The following F13A1 variants were observed in gnomAD, a reference collection of about 807,000 sequenced individuals.
F13A1 encodes the protein FSF, A subunit.
In F13A1, 47 loss-of-function variants were observed where a neutral mutation model predicts 80.1. The ratio of observed to expected loss-of-function variants is 0.59; its 90% CI spans 0.46 to 0.75. The LOEUF is 0.75. Ranked by LOEUF, F13A1 falls within the 30% of genes least tolerant of loss-of-function variation. F13A1 has a pLI of 0.00. For missense variants in F13A1, 817 were observed against 930.4 expected (o/e 0.88, Z 1.59); for synonymous variants, 349 against 344.9 (o/e 1.01, Z -0.13).
At chr6:6,145,907 G>T in intron 14 of F13A1, 135 bp from the exon 15 acceptor site, 1 of 1,148,930 alleles carries the variant, frequency 8.7e-7, no homozygotes, top group Non-Finnish European at 1.3e-6. Context: ...GACTCTCACT[G>T]GCTGATTCAG....
In F13A1 at chr6:6,266,710, T is replaced by C. The variant is rs1485613814; in HGVS notation, c.419A>G (p.Asp140Gly). Residue 140 changes from aspartate to glycine, a missense_variant, in exon 4 of 15, where the codon GAC becomes GGC. By Grantham distance (94) the Asp-to-Gly change is moderately conservative (BLOSUM62 -1). Transcript: ENST00000264870. ...KWGAKIVMRE[D>G]RSVRLSIQSS... ...CTGGATGGACAGCCGCACAGACCTG[T>C]CCTCTCTCATGACAATCTTGGCCCC... 2 of 1,614,208 alleles carry C rather than the reference T, an allele frequency of 1.2e-6. No homozygotes were observed. The highest frequency in any genetic ancestry group is 2.2e-5 in the South Asian group (2 of 91,080).
intron 3 of F13A1, among the ~76,000 whole-genome samples, chr6:6,300,035 G>C: frequency 6.8e-6 from 1 of 147,296 alleles, no homozygotes; most frequent in South Asian, 2.1e-4. Flanking sequence ...GCCCCTGCTG[G>C]GGGGTGCCTC....
intron 10 of F13A1, among the ~76,000 whole-genome samples, chr6:6,193,918 G>A (rs1761245749): frequency 6.6e-6 from 1 of 152,190 alleles, no homozygotes; most frequent in Non-Finnish European, 1.5e-5. Context: ...CAGTAAGCTT[G>A]GTCTCCAAAG....
At chr6:6,234,359 C>T (rs1327400919) in intron 6 of F13A1, among the ~76,000 whole-genome samples, 3 of 151,790 alleles carry the variant, frequency 2.0e-5, no homozygotes, top group Non-Finnish European at 4.4e-5. Context: ...CACACATTGT[C>T]GAACATGAAG....
intron 3 of F13A1, among the ~76,000 whole-genome samples, chr6:6,268,243 C>A (rs934970559): frequency 6.6e-6 from 1 of 152,196 alleles, no homozygotes; most frequent in Non-Finnish European, 1.5e-5. Context: ...TGATATTCCA[C>A]AGAAAAAGCC....
chr6:6,164,631 CTCTCCCCGTTTTTCTCT>C (rs543879037), intron 13 of F13A1, among the ~76,000 whole-genome samples: 1 of 151,964 alleles, frequency 6.6e-6, no homozygotes, highest in Admixed American at 6.6e-5. Flanking sequence ...TATTACTCTC[CTCTCCCCGTTTTTCTCT>C]TCTCCCCCCC....
Position 6,297,316 on chromosome 6 carries a change from G to A in F13A1, c.319+8035C>T, listed in dbSNP as rs1444885283. 4.6e-5 allele frequency among the ~76,000 whole-genome samples: 7 copies of A among 152,008 alleles called. No homozygotes were observed. In the East Asian group the frequency reaches 7.7e-4, roughly 17 times the overall value. The stretch of plus-strand genomic sequence containing the variant: ...TCTATTGATTGGAATAGTTTCAGAA[G>A]GAATGGTACCAGTTCCTCCTTGTAC... On this transcript the variant is annotated intron_variant, in intron 3 of 14. Transcript: ENST00000264870.
At chr6:6,211,284 A>T (rs1225828460) in intron 8 of F13A1, among the ~76,000 whole-genome samples, 1 of 152,246 alleles carries the variant, frequency 6.6e-6, no homozygotes, top group Non-Finnish European at 1.5e-5. Flanking sequence ...TGTTTTTTCC[A>T]ACACTATTGT....
chr6:6,291,166 A>G (rs1319294968), intron 3 of F13A1, among the ~76,000 whole-genome samples: 1 of 152,136 alleles, frequency 6.6e-6, no homozygotes, highest in African/African-American at 2.4e-5. Flanking sequence ...ATACTTCTCC[A>G]CCTACGGCAG....
chr6:6,293,903 A>C (rs1758274441), intron 3 of F13A1, among the ~76,000 whole-genome samples: 1 of 151,946 alleles, frequency 6.6e-6, no homozygotes, highest in South Asian at 2.1e-4. Context: ...ACATAGGGAA[A>C]CTCCAGTGTA....
chr6:6,211,210 G>C (rs564728600), intron 8 of F13A1, among the ~76,000 whole-genome samples: 1 of 152,174 alleles, frequency 6.6e-6, no homozygotes, highest in South Asian at 2.1e-4. Context: ...TTAAATCAGG[G>C]CATTGCAAAA....
At chr6:6,206,438 TC>T (rs1335122682) in intron 8 of F13A1, 1 of 469,656 alleles carries the variant, frequency 2.1e-6, no homozygotes, top group Admixed American at 2.4e-5. Flanking sequence ...ATTAAATGAT[TC>T]CCACTTTTTT....
At chr6:6,247,740 TA>T (rs1757573984) in intron 6 of F13A1, among the ~76,000 whole-genome samples, 1 of 152,246 alleles carries the variant, frequency 6.6e-6, no homozygotes, top group Non-Finnish European at 1.5e-5. Context: ...AAGCTGTCCT[TA>T]CCCTGTGTCC....
At chr6:6,194,599 C>T (rs1761257082) in intron 10 of F13A1, among the ~76,000 whole-genome samples, 2 of 152,202 alleles carry the variant, frequency 1.3e-5, no homozygotes, top group South Asian at 4.1e-4. Context: ...TTGGCCTCTA[C>T]TTCCCAACTC....
chr6:6,273,890 C>T (rs1757953342), intron 3 of F13A1, among the ~76,000 whole-genome samples: 1 of 152,088 alleles, frequency 6.6e-6, no homozygotes, highest in Non-Finnish European at 1.5e-5. Flanking sequence ...GCTACAAAAA[C>T]AAAATGCCAC....
intron 11 of F13A1, among the ~76,000 whole-genome samples, chr6:6,175,697 A>G (rs762485355): frequency 6.6e-6 from 1 of 152,354 alleles, no homozygotes; most frequent in South Asian, 2.1e-4. Flanking sequence ...TCCCAAACTC[A>G]TCTGACACGG....
At chr6:6,179,902 C>G (rs1438190076) in intron 11 of F13A1, among the ~76,000 whole-genome samples, 1 of 152,150 alleles carries the variant, frequency 6.6e-6, no homozygotes, top group Non-Finnish European at 1.5e-5. Context: ...CCAGCCAAGC[C>G]CCTGACTCCT....
intron 3 of F13A1, among the ~76,000 whole-genome samples, chr6:6,284,041 A>G (rs1394703207): frequency 6.6e-6 from 1 of 152,246 alleles, no homozygotes; most frequent in East Asian, 1.9e-4. Flanking sequence ...TTACCAACCC[A>G]TATAAATCTA....
At chr6:6,266,456 C>T in intron 4 of F13A1, 102 bp downstream of exon 4, 1 of 1,578,334 alleles carries the variant, frequency 6.3e-7, no homozygotes, top group East Asian at 2.2e-5. Context: ...AAGCGATCCT[C>T]CCATCTTGGC....
Sources: gnomAD v4.1 joint callset for allele counts (sites outside exome capture counted in the v4.1 genomes callset) on GRCh38, gnomAD v4.1.1 for gene constraint, MANE v1.5 for transcripts, NCBI Gene and HGNC (gene_info 2026-07-23, HGNC 2026-07-21) for gene names.